SCHIP1: variants seen among roughly 807,000 people sequenced by gnomAD.
SCHIP1 encodes schwannomin interacting protein 1, also known as schwannomin-interacting protein 1.
In SCHIP1, 8 loss-of-function variants were observed where a neutral mutation model predicts 29.7. The observed-to-expected ratio is 0.27, with a 90% confidence interval of 0.16 to 0.49. SCHIP1 has a LOEUF of 0.49. Among genes scored for constraint, SCHIP1 ranks in the 20% least tolerant of loss-of-function variants. SCHIP1 has a pLI of 0.99. For synonymous variants in SCHIP1, 76 were observed against 94.9 expected, an observed-to-expected ratio of 0.80 and a Z score of 1.16; for missense variants, 193 against 294.6, an observed-to-expected ratio of 0.66 and a Z score of 2.52.
chr3:159,691,707 C>A, the SCHIP1 span, among the ~76,000 whole-genome samples: 1 of 152,096 alleles, frequency 6.6e-6, no homozygotes, highest in Non-Finnish European at 1.5e-5. Context: ...ATGGTCTTTA[C>A]ATTTTGGTTT....
chr3:159,791,653 G>A, the SCHIP1 span, among the ~76,000 whole-genome samples: 31,212 of 152,224 alleles, frequency 0.21, 3,503 homozygotes, highest in South Asian at 0.32. Context: ...TGAGAAAGGA[G>A]CCTGGGAAAC....
the SCHIP1 span, among the ~76,000 whole-genome samples, chr3:159,479,297 GA>G: frequency 2.6e-5 from 4 of 151,410 alleles, no homozygotes; most frequent in Non-Finnish European, 4.4e-5. Flanking sequence ...CTTTAATTCA[GA>G]AAAAAACTTC....
At chr3:159,597,743 G>A in the SCHIP1 span, among the ~76,000 whole-genome samples, 56 of 152,278 alleles carry the variant, frequency 3.7e-4, no homozygotes, top group South Asian at 6.0e-3. Context: ...AAACACGAAA[G>A]TGCAATATCC....
At chr3:159,610,668 A>G in the SCHIP1 span, among the ~76,000 whole-genome samples, 1 of 152,096 alleles carries the variant, frequency 6.6e-6, no homozygotes, top group South Asian at 2.1e-4. Context: ...AACTGGTTAT[A>G]TTGCTCCCTG....
chr3:159,768,751 A>G, the SCHIP1 span: 1 of 152,382 alleles, frequency 6.6e-6, no homozygotes, highest in East Asian at 1.9e-4. Context: ...GGGGCTCAAG[A>G]CAGACCTCCA....
the SCHIP1 span, among the ~76,000 whole-genome samples, chr3:159,797,912 AATTG>A: frequency 6.6e-6 from 1 of 152,316 alleles, no homozygotes; most frequent in Non-Finnish European, 1.5e-5. Flanking sequence ...GGCAGCAGAA[AATTG>A]ATTGTTTGTT....
At chr3:159,343,815 C>A in the SCHIP1 span, among the ~76,000 whole-genome samples, 5 of 152,072 alleles carry the variant, frequency 3.3e-5, no homozygotes, top group Non-Finnish European at 7.4e-5. Context: ...TTAATCTGCA[C>A]GTCAGTGTGT....
At chr3:159,432,285 G>T in the SCHIP1 span, among the ~76,000 whole-genome samples, 1 of 114,188 alleles carries the variant, frequency 8.8e-6, no homozygotes, top group African/African-American at 3.7e-5. Flanking sequence ...CAGAGTAGGT[G>T]ATGTGTGTGT....
chr3:159,452,893 A>C, the SCHIP1 span, among the ~76,000 whole-genome samples: 1 of 152,242 alleles, frequency 6.6e-6, no homozygotes, highest in Non-Finnish European at 1.5e-5. Flanking sequence ...AAATGCAAAA[A>C]GAAAGTTAAT....
chr3:159,676,856 G>C, the SCHIP1 span, among the ~76,000 whole-genome samples: 1 of 152,192 alleles, frequency 6.6e-6, no homozygotes, highest in Non-Finnish European at 1.5e-5. Flanking sequence ...GAATTTTATA[G>C]AGACAATAAT....
chr3:159,682,724 G>A, the SCHIP1 span, among the ~76,000 whole-genome samples: 2 of 152,048 alleles, frequency 1.3e-5, no homozygotes, highest in Non-Finnish European at 2.9e-5. Flanking sequence ...TTGGCAGCTG[G>A]GGTTATTTCT....
At chr3:159,415,982 G>A in the SCHIP1 span, among the ~76,000 whole-genome samples, 1 of 152,100 alleles carries the variant, frequency 6.6e-6, no homozygotes, top group African/African-American at 2.4e-5. Flanking sequence ...ATTCATATTA[G>A]TAAAAGGTGC....
the SCHIP1 span, among the ~76,000 whole-genome samples, chr3:159,705,232 G>A: frequency 6.6e-6 from 1 of 152,028 alleles, no homozygotes; most frequent in Non-Finnish European, 1.5e-5. Flanking sequence ...CCAAAGTGCT[G>A]GGATTACAGG....
At chr3:159,568,141 T>C in the SCHIP1 span, among the ~76,000 whole-genome samples, 1 of 152,218 alleles carries the variant, frequency 6.6e-6, no homozygotes, top group East Asian at 1.9e-4. Context: ...ATTTTTTATA[T>C]TGATCTAATA....
At chr3:159,338,903 C>T in the SCHIP1 span, among the ~76,000 whole-genome samples, 1 of 152,102 alleles carries the variant, frequency 6.6e-6, no homozygotes, top group Admixed American at 6.6e-5. Context: ...AGCTATGTCA[C>T]TAATATAATC....
the SCHIP1 span, among the ~76,000 whole-genome samples, chr3:159,460,839 T>C: frequency 6.6e-6 from 1 of 152,278 alleles, no homozygotes; most frequent in African/African-American, 2.4e-5. Flanking sequence ...CTGAAACTAA[T>C]TGCAAAGGAC....
At chr3:159,473,674 G>GAAAAAAAAAAAAAAAAAAAAAAAA in the SCHIP1 span, among the ~76,000 whole-genome samples, 1 of 81,446 alleles carries the variant, frequency 1.2e-5, no homozygotes, top group East Asian at 3.3e-4. Context: ...ATGTAACTAC[G>GAAAAAAAAAAAAAAAAAAAAAAAA]AAAAAAAAAA....
chr3:159,732,984 C>T, the SCHIP1 span, among the ~76,000 whole-genome samples: 3 of 152,128 alleles, frequency 2.0e-5, no homozygotes, highest in Non-Finnish European at 4.4e-5. Flanking sequence ...GGTGGGGGTG[C>T]ATGTGTGAAG....
chr3:159,274,553 A>G, the SCHIP1 span: 2 of 790,970 alleles, frequency 2.5e-6, no homozygotes, highest in East Asian at 2.5e-4. Flanking sequence ...TCAAACCAGA[A>G]ATAAAAAAAA....
Sources: allele counts gnomAD v4.1 joint callset (sites outside exome capture counted in the v4.1 genomes callset), GRCh38; gene constraint gnomAD v4.1.1; transcripts MANE v1.5; gene names NCBI Gene and HGNC (gene_info 2026-07-23, HGNC 2026-07-21).